Variants in ADGRD2 observed in about 807,000 individuals in gnomAD.
The protein encoded by ADGRD2 is G protein-coupled receptor PGR24.
A neutral mutation model predicts 44.4 loss-of-function variants in ADGRD2; 71 were observed. The ratio of observed to expected loss-of-function variants is 1.60; its 90% CI spans 1.32 to 1.95. The LOEUF is 1.95. Ranked by LOEUF, ADGRD2 falls within the 30% of genes most tolerant of loss-of-function variation. ADGRD2 has a pLI of 0.00. For missense variants in ADGRD2, 1,039 were observed against 512.4 expected (o/e 2.03, Z -9.92); for synonymous variants, 481 against 224.8 (o/e 2.14, Z -10.19).
At chr9:124,472,664 G>A (rs1278617227) in intron 17 of ADGRD2, among the ~76,000 whole-genome samples, 4 of 151,882 alleles carry the variant, frequency 2.6e-5, no homozygotes, top group South Asian at 4.2e-4. Context: ...CTGCCACCAC[G>A]CCTGGATAAT....
At chr9:124,455,006 G>A in exon 6 of ADGRD2, 1 of 718,374 alleles carries the variant, frequency 1.4e-6, no homozygotes, top group Non-Finnish European at 2.6e-6. Context: ...GTGGCCCTCG[G>A]GGCTGGGGAC....
intron 7 of ADGRD2, 24 bp from the exon 11 acceptor site, chr9:124,457,448 C>T (rs1466419111): frequency 5.3e-6 from 3 of 566,880 alleles, no homozygotes; most frequent in Middle Eastern, 3.0e-4. Context: ...CGAGGTCCAG[C>T]CACCCAGCCC....
chr9:124,452,980 C>A, intron 2 of ADGRD2, 55 bp from the exon 6 acceptor site: 1 of 619,854 alleles, frequency 1.6e-6, no homozygotes, highest in Admixed American at 2.6e-5. Flanking sequence ...AGGGCAGGGG[C>A]AGGACCATGT....
upstream of ADGRD2, chr9:124,451,027 C>T (rs1831455996): frequency 2.1e-6 from 1 of 470,750 alleles, no homozygotes; most frequent in Non-Finnish European, 4.4e-6. Flanking sequence ...CTGGCTGTGG[C>T]ACACCCACCA....
intron 1 of ADGRD2, 133 bp downstream of exon 4, chr9:124,452,287 C>T (rs1429815490): frequency 4.7e-6 from 3 of 635,046 alleles, no homozygotes; most frequent in East Asian, 2.7e-5. Flanking sequence ...CCATACCAGG[C>T]CCTGCGAGGA....
At chr9:124,476,405 C>A (rs1342702827) in exon 20 of ADGRD2, 2 of 702,006 alleles carry the variant, frequency 2.8e-6, no homozygotes, top group African/African-American at 3.5e-5. Context: ...ATTGCAAACC[C>A]GGAGAGACAG....
At position 124,467,576 on chromosome 9, in the gene ADGRD2, G is replaced by A; in HGVS notation, c.2027-145G>A. On this transcript the variant is annotated intron_variant, in intron 11 of 21. Transcript: ENST00000334810. The stretch of plus-strand genomic sequence containing the variant: ...CACACCTGCTTATTAAATGCCTACT[G>A]TGTGCAGGCCTGGGTCCTGCTGGCT... 4.8e-6 allele frequency: 3 copies of A among 620,198 alleles called. No individual in the cohort carries two copies. The South Asian group carries it at 5.6e-5, about 12-fold the overall frequency. 38.4% of individuals were successfully genotyped at this position (620,198 alleles called of 1,614,324 possible).
chr9:124,452,004 T>TCCCC, upstream of ADGRD2: 35 of 114,460 alleles, frequency 3.1e-4, no homozygotes, highest in South Asian at 4.8e-4. Context: ...AATGCCCCCC[T>TCCCC]CCCACCCACC....
At position 124,467,834 on chromosome 9, in the gene ADGRD2, G is replaced by A; in HGVS notation, c.2130+10G>A. On this transcript the variant is annotated intron_variant, in intron 12 of 21. Transcript: ENST00000334810. ...TCTTCCTGGTGGCCGGGTGAGGAGA[G>A]TTCACCACTGTAGCCTGGTGGCCTG... 1.4e-6 allele frequency: 1 copy of A among 718,386 alleles called. No homozygotes were observed. The highest frequency in any genetic ancestry group is 2.7e-5 in the East Asian group (1 of 37,292). 44.5% of individuals were successfully genotyped at this position (718,386 alleles called of 1,614,324 possible). A position where few individuals can be genotyped will look rare whatever the true frequency, so the allele number is the denominator to read the frequency against.
chr9:124,475,865 TC>T (rs1326482901), intron 19 of ADGRD2, among the ~76,000 whole-genome samples: 2 of 152,104 alleles, frequency 1.3e-5, no homozygotes, highest in East Asian at 3.9e-4. Flanking sequence ...TCCCCAGCAC[TC>T]AGGCAGAGCT....
chr9:124,456,876 T>G (rs1196622518), intron 7 of ADGRD2, 143 bp downstream of exon 10: 2 of 645,240 alleles, frequency 3.1e-6, no homozygotes, highest in Non-Finnish European at 5.7e-6. Context: ...CAGAATGCCC[T>G]CTCTCCCTCG....
At chr9:124,458,595 A>G in intron 9 of ADGRD2, 21 bp from the exon 13 acceptor site, 1 of 717,268 alleles carries the variant, frequency 1.4e-6, no homozygotes, top group South Asian at 1.5e-5. Context: ...CCACCCTTGA[A>G]AGCTCCCATT....
rs1444296200 is a variant in ADGRD2, at chr9:124,452,499, A to G, written c.69-11A>G. ...AAATGCACCCCCCACCGTCTCTCTT[A>G]TCGTTTTTAGCCCCCGTGGCCGCCG... On this transcript the variant is annotated splice_polypyrimidine_tract_variant and intron_variant, in intron 1 of 21. Transcript: ENST00000334810. 4 of 718,354 alleles carry G rather than the reference A, an allele frequency of 5.6e-6. No homozygotes were observed. The highest frequency in any genetic ancestry group is 2.0e-5 in the Admixed American group (1 of 50,006). The allele number at this position is 718,354 out of a possible 1,614,324, so 44.5% of individuals were successfully genotyped here.
intron 19 of ADGRD2, 102 bp from the exon 23 acceptor site, chr9:124,476,255 A>G: frequency 1.6e-6 from 1 of 610,814 alleles, no homozygotes; most frequent in Non-Finnish European, 3.0e-6. Context: ...CTTGGAGTGG[A>G]TTCTTAGCGT....
rs1029020383 is a variant in ADGRD2, at chr9:124,453,176, C to A, written c.425C>A (p.Ala142Glu). The change falls in exon 3 of 22, where the codon GCG becomes GAG. Residue 142 changes from alanine to glutamate, a missense_variant. By Grantham distance (107) the Ala-to-Glu change is moderately radical. Coordinates refer to ENST00000334810, the Ensembl canonical transcript of ADGRD2. ...GACTGTGCCTCGCCCGACCCCGCAG[C>A]GCTCTTCTCCGTTGCCGCGCCCGCG... The A allele has an allele frequency of 1.9e-5, 13 of 691,996 alleles. No homozygotes were observed. In the African/African-American group the frequency reaches 2.2e-4, roughly 12 times the overall value. The allele number at this position is 691,996 out of a possible 1,614,324, so 42.9% of individuals were successfully genotyped here.
exon 9 of ADGRD2, chr9:124,458,219 G>C: frequency 1.4e-6 from 1 of 718,470 alleles, no homozygotes; most frequent in Non-Finnish European, 2.6e-6. Flanking sequence ...GCTCAGAGGA[G>C]GCAAACAGGG....
At chr9:124,469,282 C>T in exon 15 of ADGRD2, 2 of 717,988 alleles carry the variant, frequency 2.8e-6, no homozygotes, top group Non-Finnish European at 5.2e-6. Flanking sequence ...TACGTGGCCC[C>T]CGGACATTGC....
intron 17 of ADGRD2, among the ~76,000 whole-genome samples, chr9:124,472,730 A>T (rs990797729): frequency 1.0e-4 from 15 of 150,298 alleles, no homozygotes; most frequent in Non-Finnish European, 1.8e-4. Context: ...TTGGTCTTGA[A>T]CTCCTAACCT....
upstream of ADGRD2, chr9:124,451,999 C>CCCA: frequency 8.8e-6 from 3 of 340,008 alleles, no homozygotes; most frequent in South Asian, 2.3e-5. Flanking sequence ...CACTGAATGC[C>CCCA]CCCCTCCCAC....
Sources: allele counts gnomAD v4.1 joint callset (sites outside exome capture counted in the v4.1 genomes callset), GRCh38; gene constraint gnomAD v4.1.1; transcripts MANE v1.5; gene names NCBI Gene and HGNC (gene_info 2026-07-23, HGNC 2026-07-21).